VIPR2: variants seen among roughly 807,000 people sequenced by gnomAD.
The protein encoded by VIPR2 is vasoactive intestinal peptide receptor 2.
A neutral mutation model predicts 58.0 loss-of-function variants in VIPR2; 48 were observed. That is an observed-to-expected ratio of 0.83 (90% CI 0.66 to 1.05). VIPR2 has a LOEUF of 1.05. VIPR2 is among the 50% of genes least tolerant of loss of function. The pLI is 0.00. For synonymous variants in VIPR2, 243 were observed against 235.2 expected (o/e 1.03, Z -0.30); for missense variants, 534 against 558.0 (o/e 0.96, Z 0.43).
rs755084567 is a variant in VIPR2, at chr7:159,096,279, G to A, written c.357+7478C>T. ...CACACTCCTTCATGCAGAGCCTGGT[G>A]TGCAGACCCTGCTGCCTTGGATGGT... On this transcript the variant is annotated intron_variant, in intron 4 of 12. Transcript: ENST00000262178. The surrounding 1 kb of genome is among the most constrained non-coding windows in gnomAD (Gnocchi z 5.5). 6.6e-6 allele frequency among the ~76,000 whole-genome samples: 1 copy of A among 152,198 alleles called. No individual in the cohort carries two copies. Among genetic ancestry groups the A allele is most frequent in the Non-Finnish European group, 1.5e-5 (1 of 68,028 alleles).
intron 4 of VIPR2, among the ~76,000 whole-genome samples, chr7:159,066,255 G>T (rs1186326508): frequency 6.6e-6 from 1 of 151,806 alleles, no homozygotes; most frequent in Non-Finnish European, 1.5e-5. Flanking sequence ...ATTCCAGGAT[G>T]CCTGTTCCTT....
chr7:159,068,946 A>G (rs1397282962), intron 4 of VIPR2, among the ~76,000 whole-genome samples: 1 of 152,266 alleles, frequency 6.6e-6, no homozygotes, highest in Non-Finnish European at 1.5e-5. Context: ...ACTAACAAAC[A>G]GCAGAAAGAG....
At chr7:159,041,223 G>A (rs1282581255) in intron 6 of VIPR2, among the ~76,000 whole-genome samples, 1 of 152,258 alleles carries the variant, frequency 6.6e-6, no homozygotes, top group Non-Finnish European at 1.5e-5. Flanking sequence ...GTGTGTGGGA[G>A]GCCAGGCCCT....
rs750166509 is a variant in VIPR2 at position 159,036,745 on chromosome 7, C to A, written c.748+7G>T. ...GAGGGTTTGTGGGTGGGAAGGGGCA[C>A]ACTTACCCCATCCGATCAGGAGGTA... is the stretch of plus-strand genomic sequence containing the variant. On this transcript the variant is annotated splice_region_variant and intron_variant, in intron 7 of 12. Coordinates refer to ENST00000262178, the MANE Select transcript of VIPR2 (RefSeq NM_003382.5). 1.2e-6 allele frequency: 2 copies of A among 1,611,502 alleles called. No individual in the cohort carries two copies. The highest frequency in any genetic ancestry group is 2.7e-5 in the African/African-American group (2 of 74,846).
intron 1 of VIPR2, chr7:159,144,370 C>T: frequency 6.5e-7 from 1 of 1,542,722 alleles, no homozygotes. Flanking sequence ...AAACGCGCAG[C>T]CCGCGCAGGC....
chr7:159,073,305 T>C (rs1429266092), intron 4 of VIPR2, among the ~76,000 whole-genome samples: 1 of 152,180 alleles, frequency 6.6e-6, no homozygotes, highest in African/African-American at 2.4e-5. Flanking sequence ...CTCAATCAAG[T>C]AGATTTTCCC....
At chr7:159,035,133 G>T (rs1384598375) in intron 8 of VIPR2, among the ~76,000 whole-genome samples, 1 of 152,170 alleles carries the variant, frequency 6.6e-6, no homozygotes. Context: ...TGTGACCCCT[G>T]GCTTGTAAAA....
Position 159,138,697 on chromosome 7 carries a change from T to A in VIPR2, c.151+3749A>T, listed in dbSNP as rs184294019. 2.4e-4 allele frequency among the ~76,000 whole-genome samples: 36 copies of A among 152,376 alleles called. 1 individual carries two copies. In the East Asian group the frequency reaches 6.4e-3, roughly 27 times the overall value. Reference sequence around the variant, plus strand: ...AAGAGTATGCCAGCTTCCACGTGTCTGGAAGGAAAAGCGGGGTCTACCCAC... The same window carrying A: ...AAGAGTATGCCAGCTTCCACGTGTCAGGAAGGAAAAGCGGGGTCTACCCAC... On this transcript the variant is annotated intron_variant, in intron 2 of 12. Coordinates refer to ENST00000262178, the MANE Select transcript of VIPR2 (RefSeq NM_003382.5).
chr7:159,143,174 G>A (rs1357740681), intron 1 of VIPR2, among the ~76,000 whole-genome samples: 5 of 152,170 alleles, frequency 3.3e-5, no homozygotes, highest in Admixed American at 3.3e-4. Flanking sequence ...TCAGGGGAGC[G>A]AAAGGTGCCA....
intron 6 of VIPR2, among the ~76,000 whole-genome samples, chr7:159,041,936 C>A (rs528213301): frequency 6.6e-5 from 10 of 152,226 alleles, no homozygotes; most frequent in Admixed American, 2.0e-4. Context: ...ATTACTAGGA[C>A]AGGAACTCCA....
chr7:159,101,141 G>A (rs1858197631), intron 4 of VIPR2, among the ~76,000 whole-genome samples: 1 of 136,960 alleles, frequency 7.3e-6, no homozygotes, highest in African/African-American at 2.8e-5. Flanking sequence ...TAGTGAATGA[G>A]TCTCATGAGA....
chr7:159,034,382 T>TC, intron 9 of VIPR2, 78 bp from the exon 10 acceptor site: 1 of 1,422,418 alleles, frequency 7.0e-7, no homozygotes, highest in Non-Finnish European at 9.8e-7. Flanking sequence ...ATTTCGACCC[T>TC]CCCCTCCGCT....
chr7:159,058,191 G>A (rs1855431453), intron 5 of VIPR2, among the ~76,000 whole-genome samples: 1 of 152,174 alleles, frequency 6.6e-6, no homozygotes, highest in Non-Finnish European at 1.5e-5. Flanking sequence ...GCAAGGGTGA[G>A]ATCCTATTTT....
At chr7:159,092,105 C>T (rs1857538680) in intron 4 of VIPR2, among the ~76,000 whole-genome samples, 1 of 152,196 alleles carries the variant, frequency 6.6e-6, no homozygotes, top group Admixed American at 6.5e-5. Flanking sequence ...GAGAACCTCC[C>T]AGGGCTTTCC....
At chr7:159,101,462 T>C (rs56004501) in intron 4 of VIPR2, among the ~76,000 whole-genome samples, 1,093 of 102,410 alleles carry the variant, frequency 0.011, 41 homozygotes, top group African/African-American at 0.041. Context: ...TGGTAGTGAA[T>C]GAGTCTCACG....
intron 5 of VIPR2, among the ~76,000 whole-genome samples, chr7:159,056,848 G>C (rs1855353256): frequency 6.6e-6 from 1 of 152,142 alleles, no homozygotes; most frequent in South Asian, 2.1e-4. Flanking sequence ...GCTTCTGACA[G>C]AAGGACGTGG....
rs1563352329 is a variant in VIPR2, at chr7:159,129,908, GC to G, written c.151+12537del. On this transcript the variant is annotated intron_variant, in intron 2 of 12. Coordinates refer to ENST00000262178, the MANE Select transcript of VIPR2 (RefSeq NM_003382.5). Reference sequence around the variant, plus strand: ...CAAACTGGCCTCTGGGGGGGACAGGGCTGGGGGGACAGGGCCAGGTGACCAG... The same window carrying G: ...CAAACTGGCCTCTGGGGGGGACAGGGTGGGGGGACAGGGCCAGGTGACCAG... 8.1e-4 allele frequency among the ~76,000 whole-genome samples: 66 copies of G among 81,508 alleles called. 15 individuals carry two copies. The highest frequency in any genetic ancestry group is 5.2e-3 in the African/African-American group (57 of 11,040). The allele number at this position is 81,508 out of a possible 152,430, so 53.5% of individuals were successfully genotyped here.
chr7:159,039,744 G>A (rs895030292), intron 6 of VIPR2, among the ~76,000 whole-genome samples: 1 of 152,198 alleles, frequency 6.6e-6, no homozygotes, highest in Non-Finnish European at 1.5e-5. Context: ...AGAAGTAAAT[G>A]TCTGCGACAG....
rs1319517952 is a variant in VIPR2, at chr7:159,098,224, G to A, written c.357+5533C>T. On this transcript the variant is annotated intron_variant, in intron 4 of 12. Coordinates refer to ENST00000262178, the MANE Select transcript of VIPR2 (RefSeq NM_003382.5). The surrounding 1 kb of genome is among the most constrained non-coding windows in gnomAD (Gnocchi z 5.2). The stretch of plus-strand genomic sequence containing the variant: ...GGGCAGGGCAGGGCCGGGTGGTCGG[G>A]CCCCAGCACACGGCTCGGGGAGCCT... Among the ~76,000 whole-genome samples, 2 of 152,196 alleles carry A rather than the reference G, an allele frequency of 1.3e-5. No homozygotes were observed. Among genetic ancestry groups the A allele is most frequent in the East Asian group, 3.9e-4 (2 of 5,190 alleles).
Sources: gnomAD v4.1 joint callset for allele counts (sites outside exome capture counted in the v4.1 genomes callset) on GRCh38, gnomAD v4.1.1 for gene constraint, Gnocchi (gnomAD v3.1) non-coding constraint, MANE v1.5 for transcripts, NCBI Gene and HGNC (gene_info 2026-07-23, HGNC 2026-07-21) for gene names.